Variants in KCTD20 observed in about 807,000 individuals in gnomAD.
KCTD20 encodes the protein potassium channel tetramerization domain containing 20, also known as BTB/POZ domain-containing protein KCTD20.
A neutral mutation model predicts 39.6 loss-of-function variants in KCTD20; 30 were observed. That is an observed-to-expected ratio of 0.76 (90% CI 0.57 to 1.03). The LOEUF (loss-of-function observed/expected upper bound fraction) is 1.03, where lower values mean the gene tolerates loss of function less well. Ranked by LOEUF, KCTD20 falls within the 50% of genes least tolerant of loss-of-function variation. The probability of loss-of-function intolerance (pLI) is 0.00; values close to 1 mark genes in which losing one functional copy is unlikely to be tolerated. For synonymous variants in KCTD20, 162 were observed against 180.6 expected (o/e 0.90, Z 0.83); for missense variants, 422 against 522.0 (o/e 0.81, Z 1.87).
chr6:36,484,690 A>T, intron 6 of KCTD20, 24 bp from the exon 7 acceptor site: 1 of 1,140,638 alleles, frequency 8.8e-7, no homozygotes, highest in Non-Finnish European at 1.3e-6. Context: ...CTCCATGGCT[A>T]ACCCTATATT....
At chr6:36,468,091 A>C (rs1212070733) in intron 1 of KCTD20, among the ~76,000 whole-genome samples, 2 of 152,218 alleles carry the variant, frequency 1.3e-5, no homozygotes, top group Non-Finnish European at 2.9e-5. Context: ...ATTATCTATA[A>C]GGTTTGAATT....
At chr6:36,449,900 C>T (rs1304119459) in intron 1 of KCTD20, among the ~76,000 whole-genome samples, 3 of 152,182 alleles carry the variant, frequency 2.0e-5, no homozygotes, top group Non-Finnish European at 4.4e-5. Flanking sequence ...CGCGGTGGCT[C>T]ACGCCTGTAA....
intron 2 of KCTD20, among the ~76,000 whole-genome samples, chr6:36,473,568 A>C (rs867884301): frequency 4.2e-4 from 64 of 151,844 alleles, no homozygotes; most frequent in African/African-American, 1.5e-3. Context: ...ATCAGGAGAT[A>C]GAGACCATCC....
chr6:36,456,429 T>C (rs572168109), intron 1 of KCTD20, among the ~76,000 whole-genome samples: 5 of 151,980 alleles, frequency 3.3e-5, no homozygotes, highest in Non-Finnish European at 5.9e-5. Context: ...CAGGCGCCCG[T>C]CACCACATCC....
chr6:36,479,343 T>A, intron 4 of KCTD20, 120 bp downstream of exon 4: 2 of 773,196 alleles, frequency 2.6e-6, no homozygotes. Flanking sequence ...TTGTTTCCTT[T>A]CTCCCTTTGT....
chr6:36,448,973 G>A (rs753512455), intron 1 of KCTD20, among the ~76,000 whole-genome samples: 6 of 152,040 alleles, frequency 3.9e-5, no homozygotes, highest in Non-Finnish European at 5.9e-5. Flanking sequence ...CGGTGGGTTC[G>A]TGGTCTTGCT....
chr6:36,456,888 A>C (rs7744363), intron 1 of KCTD20, among the ~76,000 whole-genome samples: 87,182 of 151,932 alleles, frequency 0.57, 26,590 homozygotes, highest in Middle Eastern at 0.74. Flanking sequence ...GGCTAGTCTC[A>C]TGCAATCCTC....
chr6:36,444,563 C>G (rs1413708995), intron 1 of KCTD20, among the ~76,000 whole-genome samples: 3 of 152,084 alleles, frequency 2.0e-5, no homozygotes, highest in African/African-American at 7.2e-5. Flanking sequence ...CCCATGGAAC[C>G]AGGGCAGCCA....
intron 1 of KCTD20, among the ~76,000 whole-genome samples, chr6:36,468,294 C>T (rs534528976): frequency 2.6e-5 from 4 of 152,160 alleles, no homozygotes; most frequent in Admixed American, 1.3e-4. Context: ...TAAACTAGGA[C>T]ATTTTTTATA....
chr6:36,475,186 C>A, intron 3 of KCTD20, 124 bp downstream of exon 3: 1 of 958,274 alleles, frequency 1.0e-6, no homozygotes, highest in Non-Finnish European at 1.5e-6. Context: ...TGGCTCACGT[C>A]TGTAATCCCA....
intron 3 of KCTD20, 61 bp downstream of exon 3, chr6:36,475,123 G>T (rs1582354849): frequency 1.3e-6 from 2 of 1,518,806 alleles, no homozygotes; most frequent in East Asian, 4.5e-5. Flanking sequence ...AATACCTGCT[G>T]TTTATCTTGC....
intron 1 of KCTD20, among the ~76,000 whole-genome samples, chr6:36,459,173 C>T (rs1775528690): frequency 6.6e-6 from 1 of 151,850 alleles, no homozygotes; most frequent in Admixed American, 6.6e-5. Flanking sequence ...TTAGCCAGGG[C>T]TGGTGGCACG....
intron 1 of KCTD20, among the ~76,000 whole-genome samples, chr6:36,467,538 G>A (rs1008596651): frequency 6.6e-5 from 10 of 150,624 alleles, no homozygotes; most frequent in Admixed American, 3.3e-4. Flanking sequence ...GGGTTTCACC[G>A]TGTTAGCCAG....
Position 36,488,810 on chromosome 6 carries a change from T to G in KCTD20, c.*1635T>G, listed in dbSNP as rs955606221. 6.6e-6 allele frequency: 1 copy of G among 152,638 alleles called. No individual in the cohort carries two copies. The highest frequency in any genetic ancestry group is 2.4e-5 in the African/African-American group (1 of 41,452). The allele number at this position is 152,638 out of a possible 1,614,324, so 9.5% of individuals were successfully genotyped here. A position where few individuals can be genotyped will look rare whatever the true frequency, so the allele number is the denominator to read the frequency against. On this transcript the variant is annotated 3_prime_UTR_variant, in exon 8 of 8. Transcript: ENST00000373731. The stretch of plus-strand genomic sequence containing the variant: ...AGATGTTGAAAGCTCTTTCCAGGGC[T>G]GAAAAAGTGTTCTTACGTTCTCTGC...
chr6:36,448,040 T>TATATATA (rs1561940752), intron 1 of KCTD20, among the ~76,000 whole-genome samples: 1 of 146,230 alleles, frequency 6.8e-6, no homozygotes. Context: ...TATATATATA[T>TATATATA]TTGAAATACT....
intron 3 of KCTD20, among the ~76,000 whole-genome samples, chr6:36,476,148 C>T (rs1201535019): frequency 6.6e-6 from 1 of 152,132 alleles, no homozygotes; most frequent in African/African-American, 2.4e-5. Flanking sequence ...AAGAGATTGT[C>T]TTTCTGGCCA....
At chr6:36,471,507 T>C (rs528427104) in intron 2 of KCTD20, among the ~76,000 whole-genome samples, 1 of 152,244 alleles carries the variant, frequency 6.6e-6, no homozygotes, top group African/African-American at 2.4e-5. Flanking sequence ...TTGCTGACTC[T>C]ACTCCAGATT....
intron 1 of KCTD20, chr6:36,465,713 GA>G (rs1775731351): frequency 6.6e-6 from 1 of 152,030 alleles, no homozygotes; most frequent in Non-Finnish European, 1.5e-5. Context: ...GTAAAATCAA[GA>G]CTTAACAAAA....
In KCTD20 at chr6:36,488,104, A is replaced by T. The variant is rs1776480750; in HGVS notation, c.*929A>T. ...GCTCAGTTTCTCAACAGAAAGACTC[A>T]TAAGAGTGCCAGCATGGGGTACATG... On this transcript the variant is annotated 3_prime_UTR_variant, in exon 8 of 8. Transcript: ENST00000373731. The T allele has an allele frequency of 6.6e-6, 1 of 152,276 alleles. No individual in the cohort carries two copies. The highest frequency in any genetic ancestry group is 2.4e-5 in the African/African-American group (1 of 41,470). 9.4% of individuals were successfully genotyped at this position (152,276 alleles called of 1,614,324 possible). A position where few individuals can be genotyped will look rare whatever the true frequency, so the allele number is the denominator to read the frequency against.
Sources: gnomAD v4.1 joint callset for allele counts (sites outside exome capture counted in the v4.1 genomes callset) on GRCh38, gnomAD v4.1.1 for gene constraint, MANE v1.5 for transcripts, NCBI Gene and HGNC (gene_info 2026-07-23, HGNC 2026-07-21) for gene names.